SLC5A4: variants seen among roughly 807,000 people sequenced by gnomAD.
The protein encoded by SLC5A4 is probable glucose sensor protein SLC5A4.
A neutral mutation model predicts 70.3 loss-of-function variants in SLC5A4; 55 were observed. That is an observed-to-expected ratio of 0.78 (90% confidence interval 0.63 to 0.98). SLC5A4 has a LOEUF of 0.98. Ranked by LOEUF, SLC5A4 falls within the 50% of genes least tolerant of loss-of-function variation. The probability of loss-of-function intolerance (pLI) is 0.00; values close to 1 mark genes in which losing one functional copy is unlikely to be tolerated. For missense variants in SLC5A4, 735 were observed against 839.2 expected (o/e 0.88, Z 1.53); for synonymous variants, 268 against 305.7 (o/e 0.88, Z 1.29).
At chr22:32,326,972 AG>A in the SLC5A4 span, among the ~76,000 whole-genome samples, 5 of 152,224 alleles carry the variant, frequency 3.3e-5, no homozygotes, top group Non-Finnish European at 5.9e-5. Flanking sequence ...AGCCTCCAGC[AG>A]GGCCCCGTGC....
rs898964655 is a variant in SLC5A4 at position 32,242,008 on chromosome 22, G to A, written c.478-2918C>T. ...AGCTGGACTGGAATTGGAGATATTA[G>A]TGTGAACTCATGATTTCTAAACTGT... On this transcript the variant is annotated intron_variant, in intron 5 of 14. Transcript: ENST00000266086. Among the ~76,000 whole-genome samples the A allele has an allele frequency of 2.0e-5, 3 of 151,952 alleles. No individual in the cohort carries two copies. The East Asian group carries it at 5.8e-4, about 29-fold the overall frequency.
intron 11 of SLC5A4, among the ~76,000 whole-genome samples, chr22:32,226,451 G>A (rs2123875813): frequency 6.6e-6 from 1 of 152,348 alleles, no homozygotes; most frequent in South Asian, 2.1e-4. Context: ...TTACTGCAGT[G>A]TGCGTAAAAG....
At chr22:32,305,870 C>T in the SLC5A4 span, among the ~76,000 whole-genome samples, 18 of 151,004 alleles carry the variant, frequency 1.2e-4, no homozygotes, top group South Asian at 3.2e-3. Context: ...TCTGTCTCGT[C>T]TGGTGCCAGT....
the SLC5A4 span, among the ~76,000 whole-genome samples, chr22:32,292,912 T>A: frequency 1.3e-5 from 2 of 152,210 alleles, no homozygotes; most frequent in African/African-American, 2.4e-5. Context: ...CTACTTCTTA[T>A]AGTTCTATCA....
intron 8 of SLC5A4, among the ~76,000 whole-genome samples, chr22:32,233,891 G>A (rs916267394): frequency 1.2e-4 from 18 of 151,972 alleles, no homozygotes; most frequent in African/African-American, 2.9e-4. Context: ...GAAAAGTCAG[G>A]CAGTATACAT....
At chr22:32,232,609 C>T (rs543240842) in intron 9 of SLC5A4, among the ~76,000 whole-genome samples, 3 of 152,182 alleles carry the variant, frequency 2.0e-5, no homozygotes, top group Admixed American at 6.5e-5. Context: ...CCTGCAGTGT[C>T]CTTTTGCCAT....
At chr22:32,273,198 G>T in the SLC5A4 span, 1 of 366,770 alleles carries the variant, frequency 2.7e-6, no homozygotes, top group South Asian at 2.2e-5. Flanking sequence ...CTTTCTGGAA[G>T]ACCATCTGAT....
the SLC5A4 span, among the ~76,000 whole-genome samples, chr22:32,284,021 T>C: frequency 1.4e-5 from 2 of 146,610 alleles, no homozygotes; most frequent in Middle Eastern, 3.5e-3. Context: ...GAATCATTTT[T>C]ATAACACAAT....
In SLC5A4 at chr22:32,255,184, A is replaced by T. The variant is rs776185732; in HGVS notation, c.135+11T>A. 4 of 1,611,576 alleles carry T rather than the reference A, an allele frequency of 2.5e-6. No individual in the cohort carries two copies. The African/African-American group carries it at 4.0e-5, about 16-fold the overall frequency. Reference sequence around the variant, plus strand: ...TGTGCCCACCCTAAAAGCCACTGGGATTCCACCTACCCACAGCCCAACAGC... The same window carrying T: ...TGTGCCCACCCTAAAAGCCACTGGGTTTCCACCTACCCACAGCCCAACAGC... On this transcript the variant is annotated intron_variant, in intron 1 of 14. Transcript: ENST00000266086.
Position 32,230,884 on chromosome 22 carries a change from G to T in SLC5A4, c.1129+84C>A, listed in dbSNP as rs1925709419. The T allele has an allele frequency of 5.1e-6, 4 of 779,788 alleles. No homozygotes were observed. In the Admixed American group the frequency reaches 8.2e-5, roughly 16 times the overall value. 48.3% of individuals were successfully genotyped at this position (779,788 alleles called of 1,614,324 possible). On this transcript the variant is annotated intron_variant, in intron 10 of 14. Coordinates refer to ENST00000266086, the MANE Select transcript of SLC5A4 (RefSeq NM_014227.3). The stretch of plus-strand genomic sequence containing the variant: ...GATGAGTTGGATTGAATTAATGGAA[G>T]GTGCAAGAATTGCACCATAACCCTT...
chr22:32,341,317 G>C, the SLC5A4 span, among the ~76,000 whole-genome samples: 542 of 152,282 alleles, frequency 3.6e-3, 6 homozygotes, highest in Middle Eastern at 3.4e-3. Flanking sequence ...TGAGGATGGA[G>C]CCGCAAAGAG....
intron 3 of SLC5A4, among the ~76,000 whole-genome samples, chr22:32,251,149 C>CAAAAAAAAAAAAAAAAAAA (rs1169115054): frequency 7.5e-4 from 17 of 22,764 alleles, no homozygotes; most frequent in East Asian, 2.3e-3. Context: ...AACAAATAAG[C>CAAAAAAAAAAAAAAAAAAA]AAAAAAAAAA....
the SLC5A4 span, among the ~76,000 whole-genome samples, chr22:32,326,696 G>T: frequency 6.6e-6 from 1 of 152,194 alleles, no homozygotes; most frequent in African/African-American, 2.4e-5. Flanking sequence ...CCCAAGGAAC[G>T]CTACCTCAAT....
At chr22:32,319,895 T>C in the SLC5A4 span, among the ~76,000 whole-genome samples, 1 of 151,288 alleles carries the variant, frequency 6.6e-6, no homozygotes, top group Non-Finnish European at 1.5e-5. Flanking sequence ...CCAATAACGA[T>C]GCCCAGCACA....
Position 32,225,276 on chromosome 22 carries a change from ACT to A in SLC5A4, c.1449+377_1449+378del, listed in dbSNP as rs1925323136. ...TTTCACATATTTTATCTCACTTAAT[ACT>A]CACCACAATCCCATAGAATAGGTGC... On this transcript the variant is annotated intron_variant, in intron 12 of 14. Transcript: ENST00000266086. Among the ~76,000 whole-genome samples, 6 of 152,294 alleles carry A rather than the reference ACT, an allele frequency of 3.9e-5. 1 individual carries two copies. The highest frequency in any genetic ancestry group is 2.6e-4 in the Admixed American group (4 of 15,302).
At chr22:32,243,714 C>T (rs1242561262) in intron 5 of SLC5A4, among the ~76,000 whole-genome samples, 1 of 152,032 alleles carries the variant, frequency 6.6e-6, no homozygotes, top group Non-Finnish European at 1.5e-5. Flanking sequence ...GTAACAATTT[C>T]AAATAGTTAA....
the SLC5A4 span, among the ~76,000 whole-genome samples, chr22:32,297,111 TTC>T: frequency 6.6e-6 from 1 of 152,008 alleles, no homozygotes; most frequent in African/African-American, 2.4e-5. Flanking sequence ...TGGTCTAAAA[TTC>T]TCTTTTTTTG....
intron 13 of SLC5A4, 68 bp downstream of exon 13, chr22:32,224,199 C>T (rs987686474): frequency 1.1e-5 from 13 of 1,221,956 alleles, no homozygotes; most frequent in Middle Eastern, 3.8e-4. Context: ...GGATTACAGG[C>T]GTGAGCCACT....
At chr22:32,335,969 C>A in the SLC5A4 span, among the ~76,000 whole-genome samples, 1 of 152,226 alleles carries the variant, frequency 6.6e-6, no homozygotes, top group Non-Finnish European at 1.5e-5. Flanking sequence ...TCTGCAGTTC[C>A]AACAAGCATC....
Sources: gnomAD v4.1 joint callset for allele counts (sites outside exome capture counted in the v4.1 genomes callset) on GRCh38, gnomAD v4.1.1 for gene constraint, MANE v1.5 for transcripts, NCBI Gene and HGNC (gene_info 2026-07-23, HGNC 2026-07-21) for gene names.